Variants in TSHZ2 observed in about 807,000 individuals in gnomAD.
TSHZ2 encodes teashirt zinc finger homeobox 2.
In TSHZ2, 21 loss-of-function variants were observed where a neutral mutation model predicts 74.4. The observed-to-expected ratio is 0.28, with a 90% CI of 0.20 to 0.41. TSHZ2 has a LOEUF of 0.41. Ranked by LOEUF, TSHZ2 falls within the 10% of genes least tolerant of loss-of-function variation. The pLI is 1.00. For synonymous variants in TSHZ2, 540 were observed against 515.3 expected, an observed-to-expected ratio of 1.05 and a Z score of -0.65; for missense variants, 1,244 against 1,293.5, an observed-to-expected ratio of 0.96 and a Z score of 0.59.
rs753956426 is a variant in TSHZ2 at position 53,253,467 on chromosome 20, C to T, written c.41-32C>T. 52 of 1,559,282 alleles carry T rather than the reference C, an allele frequency of 3.3e-5. No individual in the cohort carries two copies. In the South Asian group the frequency reaches 5.3e-4, roughly 16 times the overall value. On this transcript the variant is annotated intron_variant, in intron 1 of 2. Transcript: ENST00000371497. Reference sequence around the variant, plus strand: ...TTGGAATGGAATATGGAGCCTGTTACTGTCGTTTCATCTCTTCTTCTTCTC... The same window carrying T: ...TTGGAATGGAATATGGAGCCTGTTATTGTCGTTTCATCTCTTCTTCTTCTC...
chr20:53,396,913 A>G (rs1228716438), intron 2 of TSHZ2, among the ~76,000 whole-genome samples: 1 of 151,834 alleles, frequency 6.6e-6, no homozygotes, highest in Non-Finnish European at 1.5e-5. Context: ...AAAAATTACC[A>G]AGGCAAACAT....
intron 1 of TSHZ2, among the ~76,000 whole-genome samples, chr20:53,240,872 AAGG>A (rs1990053171): frequency 6.6e-6 from 1 of 152,100 alleles, no homozygotes; most frequent in African/African-American, 2.4e-5. Flanking sequence ...TAACCCCCAA[AAGG>A]AGAATGAAAC....
In TSHZ2 at chr20:53,492,912, T is replaced by C. The variant is rs1459611298; in HGVS notation, c.*5777T>C. The C allele has an allele frequency of 6.6e-6, 1 of 152,174 alleles. No homozygotes were observed. The highest frequency in any genetic ancestry group is 1.5e-5 in the Non-Finnish European group (1 of 68,038). The allele number at this position is 152,174 out of a possible 1,614,324, so 9.4% of individuals were successfully genotyped here. A position where few individuals can be genotyped will look rare whatever the true frequency, so the allele number is the denominator to read the frequency against. Reference sequence around the variant, plus strand: ...TTTTTATATTCAGAAAGCAGACCGGTCATTTTCAAAGAAAAATGACTGCAA... The same window carrying C: ...TTTTTATATTCAGAAAGCAGACCGGCCATTTTCAAAGAAAAATGACTGCAA... On this transcript the variant is annotated 3_prime_UTR_variant, in exon 3 of 3. Coordinates refer to ENST00000371497, the MANE Select transcript of TSHZ2 (RefSeq NM_173485.6).
chr20:53,209,995 A>G (rs140077495), intron 1 of TSHZ2, among the ~76,000 whole-genome samples: 6 of 152,342 alleles, frequency 3.9e-5, no homozygotes, highest in Admixed American at 3.3e-4. Context: ...ATGCGTTTCA[A>G]TTTGGAAACA....
At chr20:53,473,134 TCCAACTGGGCCCAGC>T (rs1366883630) in intron 2 of TSHZ2, among the ~76,000 whole-genome samples, 1 of 146,534 alleles carries the variant, frequency 6.8e-6, no homozygotes, top group Non-Finnish European at 1.5e-5. Context: ...GCCGGGAAGC[TCCAACTGGGCCCAGC>T]CCACCACAGC....
intron 2 of TSHZ2, among the ~76,000 whole-genome samples, chr20:53,435,326 A>G (rs779323686): frequency 2.0e-5 from 3 of 152,220 alleles, no homozygotes; most frequent in Non-Finnish European, 4.4e-5. Context: ...TAAAGACTTC[A>G]CTGAGACCAG....
chr20:53,269,919 CTCT>C (rs1990799949), intron 2 of TSHZ2, among the ~76,000 whole-genome samples: 1 of 152,044 alleles, frequency 6.6e-6, no homozygotes, highest in Non-Finnish European at 1.5e-5. Context: ...TGAAAGGAAC[CTCT>C]TCTTTTAATC....
chr20:53,034,666 C>G (rs1337683220), intron 1 of TSHZ2, among the ~76,000 whole-genome samples: 1 of 152,162 alleles, frequency 6.6e-6, no homozygotes. Context: ...AAGAAGGACC[C>G]AAGCATGCCA....
rs980247489 is a variant in TSHZ2 at position 53,125,116 on chromosome 20, A to G, written c.41-128383A>G. Among the ~76,000 whole-genome samples the G allele has an allele frequency of 2.0e-5, 3 of 152,364 alleles. No individual in the cohort carries two copies. The South Asian group carries it at 6.2e-4, about 32-fold the overall frequency. On this transcript the variant is annotated intron_variant, in intron 1 of 2. Coordinates refer to ENST00000371497, the MANE Select transcript of TSHZ2 (RefSeq NM_173485.6). ...GGAATGCGATTTTGTCATCTCGAAA[A>G]TGAGGATGATAATAATCATAATGCT...
intron 2 of TSHZ2, among the ~76,000 whole-genome samples, chr20:53,394,859 CAAAAAAAAAAAAA>C (rs1005992034): frequency 1.6e-4 from 7 of 44,116 alleles, no homozygotes; most frequent in East Asian, 6.1e-4. Context: ...CAGAACTCAC[CAAAAAAAAAAAAA>C]AAAAAAAAAA....
chr20:53,193,728 G>A (rs1988795789), intron 1 of TSHZ2, among the ~76,000 whole-genome samples: 1 of 152,160 alleles, frequency 6.6e-6, no homozygotes, highest in African/African-American at 2.4e-5. Flanking sequence ...TTGAATAATA[G>A]AAGCAGCACA....
intron 2 of TSHZ2, among the ~76,000 whole-genome samples, chr20:53,335,154 G>A (rs1979894758): frequency 6.6e-6 from 1 of 152,110 alleles, no homozygotes; most frequent in African/African-American, 2.4e-5. Flanking sequence ...AGCATCGCCT[G>A]GACAGTTTTC....
intron 2 of TSHZ2, among the ~76,000 whole-genome samples, chr20:53,410,953 G>A (rs897824183): frequency 1.3e-5 from 2 of 151,866 alleles, no homozygotes; most frequent in Admixed American, 1.3e-4. Flanking sequence ...GGGATAACAG[G>A]CATGAGCCAC....
At chr20:53,077,141 G>A (rs991965864) in intron 1 of TSHZ2, among the ~76,000 whole-genome samples, 8 of 152,256 alleles carry the variant, frequency 5.3e-5, no homozygotes, top group Admixed American at 4.6e-4. Flanking sequence ...GGCCAGGCAC[G>A]ATGGCCCATG....
intron 1 of TSHZ2, among the ~76,000 whole-genome samples, chr20:53,127,432 A>T (rs1183815552): frequency 6.6e-6 from 1 of 152,258 alleles, no homozygotes; most frequent in Non-Finnish European, 1.5e-5. Context: ...GGCTGGGCAT[A>T]GTGGCGCACG....
At chr20:53,291,905 G>T (rs1991284955) in intron 2 of TSHZ2, among the ~76,000 whole-genome samples, 1 of 151,690 alleles carries the variant, frequency 6.6e-6, no homozygotes, top group South Asian at 2.1e-4. Context: ...TCAAGTTATT[G>T]GGATACTGAC....
At chr20:53,260,282 G>T (rs1300611341) in intron 2 of TSHZ2, among the ~76,000 whole-genome samples, 3 of 152,242 alleles carry the variant, frequency 2.0e-5, no homozygotes, top group Non-Finnish European at 2.9e-5. Context: ...ACAGCCGTAT[G>T]AAGTAGAGGT....
At chr20:53,189,291 A>G (rs1988675102) in intron 1 of TSHZ2, among the ~76,000 whole-genome samples, 1 of 152,208 alleles carries the variant, frequency 6.6e-6, no homozygotes, top group South Asian at 2.1e-4. Flanking sequence ...TAGATGACAT[A>G]AGTCAAATGG....
intron 1 of TSHZ2, among the ~76,000 whole-genome samples, chr20:53,055,841 C>T (rs1984622727): frequency 6.6e-6 from 1 of 152,182 alleles, no homozygotes; most frequent in South Asian, 2.1e-4. Flanking sequence ...TATTGGCACT[C>T]AGCTACATTT....
Sources: allele counts gnomAD v4.1 joint callset (sites outside exome capture counted in the v4.1 genomes callset), GRCh38; gene constraint gnomAD v4.1.1; transcripts MANE v1.5; gene names NCBI Gene and HGNC (gene_info 2026-07-23, HGNC 2026-07-21).